The following PCNX2 variants were observed in gnomAD, a reference collection of about 807,000 sequenced individuals.
The protein encoded by PCNX2 is pecanex 2, also known as pecanex-like protein 2.
In PCNX2, 168 loss-of-function variants were observed where a neutral mutation model predicts 223.8. That is an observed-to-expected ratio of 0.75 (90% confidence interval 0.66 to 0.85). PCNX2 has a LOEUF of 0.85. PCNX2 is among the 40% of genes least tolerant of loss of function. The pLI is 0.00. For missense variants in PCNX2, 2,507 were observed against 2,675.5 expected, an observed-to-expected ratio of 0.94 and a Z score of 1.39; for synonymous variants, 1,006 against 1,052.6, an observed-to-expected ratio of 0.96 and a Z score of 0.86.
At chr1:233,200,289 C>CGATAAGCAT in intron 13 of PCNX2, 25 bp from the exon 14 acceptor site, 1 of 1,496,760 alleles carries the variant, frequency 6.7e-7, no homozygotes, top group Non-Finnish European at 9.1e-7. Flanking sequence ...ACAAAATTGA[C>CGATAAGCAT]GATAAGCATG....
Position 233,135,135 on chromosome 1 carries a change from A to C in PCNX2, c.3715T>G (p.Cys1239Gly), listed in dbSNP as rs1200515487. 2 of 1,613,954 alleles carry C rather than the reference A, an allele frequency of 1.2e-6. No homozygotes were observed. Among genetic ancestry groups the C allele is most frequent in the South Asian group, 1.1e-5 (1 of 91,080 alleles). The change falls in exon 21 of 34, where the codon TGC becomes GGC. Residue 1239 changes from cysteine (C) to glycine (G), a missense_variant. Cys to Gly is a radical substitution (Grantham distance 159, BLOSUM62 -3). This residue lies in a region of PCNX2 where 1,372 missense variants were observed against 1,509.4 expected (regional missense o/e 0.91). Coordinates refer to ENST00000258229, the MANE Select transcript of PCNX2 (RefSeq NM_014801.4). ...AGMKLLRTSF[C>G]NPVYQFINLS... ...TTAATAAACTGGTAAACCGGGTTGCAGAATGATGTCCGCAACAGCTTCATG... is the reference window on the plus strand; with the variant it reads ...TTAATAAACTGGTAAACCGGGTTGCCGAATGATGTCCGCAACAGCTTCATG...
the PCNX2 span, among the ~76,000 whole-genome samples, chr1:233,301,767 G>A: frequency 4.1e-5 from 6 of 147,980 alleles, no homozygotes; most frequent in Admixed American, 3.4e-4. Context: ...TACTAAGAAA[G>A]ATAAAGTCAC....
chr1:233,102,942 G>A (rs1180327905), intron 21 of PCNX2, among the ~76,000 whole-genome samples: 33 of 151,446 alleles, frequency 2.2e-4, no homozygotes, highest in Admixed American at 2.2e-3. Flanking sequence ...TCTTTGCCCA[G>A]TCCAAGGTCC....
At chr1:233,198,682 C>T (rs1195552157) in intron 15 of PCNX2, among the ~76,000 whole-genome samples, 1 of 152,146 alleles carries the variant, frequency 6.6e-6, no homozygotes, top group Non-Finnish European at 1.5e-5. Context: ...CTCCCACTGT[C>T]ACTAACCGAT....
At chr1:233,187,884 T>C (rs1216951525) in intron 15 of PCNX2, among the ~76,000 whole-genome samples, 2 of 152,178 alleles carry the variant, frequency 1.3e-5, no homozygotes, top group Admixed American at 6.5e-5. Context: ...ATTCTAGCCA[T>C]AAAATATAAT....
chr1:233,054,641 A>G, intron 24 of PCNX2, 158 bp from the exon 25 acceptor site: 2 of 622,826 alleles, frequency 3.2e-6, no homozygotes, highest in Non-Finnish European at 5.4e-6. Context: ...AGTGGATTAT[A>G]TGAGACCCTC....
At chr1:233,268,158 C>T (rs189593658) in intron 1 of PCNX2, among the ~76,000 whole-genome samples, 350 of 152,300 alleles carry the variant, frequency 2.3e-3, no homozygotes, top group Non-Finnish European at 3.9e-3. Flanking sequence ...GTGATCCACT[C>T]GCCTTGGCCT....
rs145542275 is a variant in PCNX2 at position 233,151,726 on chromosome 1, G to A, written c.3517+8557C>T. ...TCTCACTCTTGTTGCCCAGGCTGGA[G>A]TGCAATGGCACAATCTCTGCTCACT... is the stretch of plus-strand genomic sequence containing the variant. On this transcript the variant is annotated intron_variant, in intron 19 of 33. Coordinates refer to ENST00000258229, the MANE Select transcript of PCNX2 (RefSeq NM_014801.4). Among the ~76,000 whole-genome samples the A allele has an allele frequency of 7.6e-4, 116 of 152,254 alleles. 2 individuals carry two copies. In the East Asian group the frequency reaches 0.021, roughly 28 times the overall value.
intron 21 of PCNX2, among the ~76,000 whole-genome samples, chr1:233,120,185 G>GAAAAAAAA (rs1675697596): frequency 9.0e-6 from 1 of 111,632 alleles, no homozygotes. Context: ...AAAAAAAAAA[G>GAAAAAAAA]AAATAAAAAG....
In PCNX2 at chr1:233,001,735, G is replaced by T. The variant is rs542819867; in HGVS notation, c.4953-54C>A. The T allele has an allele frequency of 1.5e-4, 213 of 1,406,088 alleles. No homozygotes were observed. In the African/African-American group the frequency reaches 2.8e-3, roughly 18 times the overall value. 87.1% of individuals were successfully genotyped at this position (1,406,088 alleles called of 1,614,324 possible). On this transcript the variant is annotated intron_variant, in intron 28 of 33. Coordinates refer to ENST00000258229, the MANE Select transcript of PCNX2 (RefSeq NM_014801.4). This position sits in a 1 kb window ranked among gnomAD's most constrained non-coding sequence, Gnocchi z 4.2. ...ACAAATTTCAGAATCCTGTCATTGT[G>T]AGCAAAGTTTGAGTCTCCCATTTGT...
chr1:233,005,963 C>T (rs1198031512), intron 28 of PCNX2, among the ~76,000 whole-genome samples: 1 of 152,114 alleles, frequency 6.6e-6, no homozygotes, highest in Non-Finnish European at 1.5e-5. Flanking sequence ...AGCAGGTCAT[C>T]TTATCATAGT....
At chr1:233,221,148 ATAGAAAGGCTGAG>A (rs1292612492) in intron 10 of PCNX2, among the ~76,000 whole-genome samples, 9 of 152,242 alleles carry the variant, frequency 5.9e-5, no homozygotes, top group Admixed American at 3.3e-4. Context: ...ATAGAAATAT[ATAGAAAGGCTGAG>A]TATTCAGATA....
In PCNX2 at chr1:233,295,632, T is replaced by A. The variant is rs1662047392; in HGVS notation, c.-154A>T. 1.3e-5 allele frequency: 11 copies of A among 832,498 alleles called. No homozygotes were observed. The South Asian group carries it at 4.9e-4, about 37-fold the overall frequency. 51.6% of individuals were successfully genotyped at this position (832,498 alleles called of 1,614,324 possible). ...CCCGCCGCCTCCTTCCACCCCACGT[T>A]TGAAGCTGGAGCTGCTCTTCCGCCC... On this transcript the variant is annotated 5_prime_UTR_variant, in exon 1 of 34. Coordinates refer to ENST00000258229, the MANE Select transcript of PCNX2 (RefSeq NM_014801.4). The surrounding 1 kb of genome is among the most constrained non-coding windows in gnomAD (Gnocchi z 4.1).
At chr1:233,275,897 G>T (rs1347494170) in intron 1 of PCNX2, among the ~76,000 whole-genome samples, 1 of 152,064 alleles carries the variant, frequency 6.6e-6, no homozygotes, top group Admixed American at 6.5e-5. Flanking sequence ...GGGCATGGTG[G>T]TGTGTGCCTG....
At chr1:233,119,656 C>CA (rs1004898450) in intron 21 of PCNX2, among the ~76,000 whole-genome samples, 7 of 150,078 alleles carry the variant, frequency 4.7e-5, no homozygotes, top group African/African-American at 7.3e-5. Context: ...AACAAACAAA[C>CA]AAAAAACAGG....
intron 25 of PCNX2, among the ~76,000 whole-genome samples, chr1:233,042,326 C>T (rs1671671547): frequency 6.6e-6 from 1 of 152,200 alleles, no homozygotes; most frequent in African/African-American, 2.4e-5. Context: ...GCCACTGTAG[C>T]AAGCCCTCCT....
At chr1:233,196,897 C>A (rs536799182) in intron 15 of PCNX2, among the ~76,000 whole-genome samples, 1 of 152,134 alleles carries the variant, frequency 6.6e-6, no homozygotes, top group Non-Finnish European at 1.5e-5. Context: ...AGGGGACTGA[C>A]TGCAAGTGAA....
intron 25 of PCNX2, among the ~76,000 whole-genome samples, chr1:233,028,132 G>A (rs1671146878): frequency 6.6e-6 from 1 of 152,126 alleles, no homozygotes. Context: ...GAAATTTATT[G>A]AGAGCTATTT....
chr1:233,324,908 G>A, the PCNX2 span, among the ~76,000 whole-genome samples: 2 of 152,036 alleles, frequency 1.3e-5, no homozygotes, highest in Admixed American at 1.3e-4. Flanking sequence ...AATATTTTAA[G>A]CCCACTGTTA....
Sources: allele counts gnomAD v4.1 joint callset (sites outside exome capture counted in the v4.1 genomes callset), GRCh38; gene constraint gnomAD v4.1.1; regional missense constraint gnomAD v4.1.1; non-coding constraint Gnocchi (gnomAD v3.1); transcripts MANE v1.5; gene names NCBI Gene and HGNC (gene_info 2026-07-23, HGNC 2026-07-21).